Variants in TRPC6 observed in about 807,000 individuals in gnomAD.
TRPC6 encodes the protein transient receptor potential cation channel subfamily C member 6, also known as short transient receptor potential channel 6.
In TRPC6, 55 loss-of-function variants were observed where a neutral mutation model predicts 90.7. That is an observed-to-expected ratio of 0.61 (90% confidence interval 0.49 to 0.76). TRPC6 has a LOEUF of 0.76. Ranked by LOEUF, TRPC6 falls within the 30% of genes least tolerant of loss-of-function variation. TRPC6 has a pLI of 0.00. For synonymous variants in TRPC6, 393 were observed against 393.0 expected, an observed-to-expected ratio of 1.00 and a Z score of 0.00; for missense variants, 989 against 1,122.7, an observed-to-expected ratio of 0.88 and a Z score of 1.70.
At chr11:101,473,238 T>G (rs1859334702) in intron 7 of TRPC6, among the ~76,000 whole-genome samples, 1 of 152,080 alleles carries the variant, frequency 6.6e-6, no homozygotes, top group East Asian at 1.9e-4. Context: ...TTTTGTGAAT[T>G]TCAGTTGCCT....
chr11:101,539,978 GTAAT>G (rs1304890273), intron 1 of TRPC6, among the ~76,000 whole-genome samples: 2 of 152,272 alleles, frequency 1.3e-5, no homozygotes, highest in African/African-American at 2.4e-5. Flanking sequence ...TTTTTATTAT[GTAAT>G]TAATTATAGA....
intron 1 of TRPC6, among the ~76,000 whole-genome samples, chr11:101,520,997 T>G (rs1384313817): frequency 1.3e-5 from 2 of 152,290 alleles, no homozygotes; most frequent in East Asian, 1.9e-4. Context: ...AGCATAAAAC[T>G]TTGGAAAATT....
At chr11:101,456,353 T>G (rs1369062045) in intron 10 of TRPC6, among the ~76,000 whole-genome samples, 2 of 152,184 alleles carry the variant, frequency 1.3e-5, no homozygotes, top group Non-Finnish European at 2.9e-5. Context: ...GCATAAAAAC[T>G]TCCACATAAC....
chr11:101,500,295 G>A (rs539225748), intron 2 of TRPC6, among the ~76,000 whole-genome samples: 9 of 145,688 alleles, frequency 6.2e-5, no homozygotes, highest in South Asian at 4.3e-4. Flanking sequence ...TGCAACCTCC[G>A]CCTCCCAGGT....
At chr11:101,567,671 C>A (rs370631303) in intron 1 of TRPC6, among the ~76,000 whole-genome samples, 1 of 152,194 alleles carries the variant, frequency 6.6e-6, no homozygotes, top group Middle Eastern at 3.2e-3. Context: ...GAGGAAGGAA[C>A]AGGCAGCAAT....
At chr11:101,481,731 T>C (rs1417725707) in intron 5 of TRPC6, among the ~76,000 whole-genome samples, 1 of 152,188 alleles carries the variant, frequency 6.6e-6, no homozygotes, top group Non-Finnish European at 1.5e-5. Flanking sequence ...AGCACTTCCA[T>C]TGAGTCTCAG....
chr11:101,583,231 C>G, intron 1 of TRPC6, 103 bp downstream of exon 1: 1 of 1,479,018 alleles, frequency 6.8e-7, no homozygotes, highest in Non-Finnish European at 9.0e-7. Context: ...GAGGTACACA[C>G]GCGGGTTCAG....
At chr11:101,567,969 G>A (rs552852462) in intron 1 of TRPC6, among the ~76,000 whole-genome samples, 7 of 152,126 alleles carry the variant, frequency 4.6e-5, no homozygotes, top group Non-Finnish European at 8.8e-5. Context: ...CTCCTCCAAA[G>A]GATCACAACT....
intron 9 of TRPC6, 108 bp from the exon 10 acceptor site, chr11:101,469,609 G>A (rs1189460309): frequency 1.6e-6 from 1 of 635,300 alleles, no homozygotes; most frequent in East Asian, 2.8e-5. Context: ...TTTAATGAGA[G>A]AAACATATTC....
intron 1 of TRPC6, among the ~76,000 whole-genome samples, chr11:101,535,557 C>T (rs1861026469): frequency 6.6e-6 from 1 of 152,108 alleles, no homozygotes; most frequent in East Asian, 1.9e-4. Flanking sequence ...ATAGAACATA[C>T]AGAAAACTGG....
chr11:101,466,581 C>A (rs979969941), intron 10 of TRPC6, among the ~76,000 whole-genome samples: 3 of 152,234 alleles, frequency 2.0e-5, no homozygotes, highest in Non-Finnish European at 4.4e-5. Flanking sequence ...CCAGGTTGAT[C>A]TCAGACCACT....
At chr11:101,522,943 C>T (rs1000778231) in intron 1 of TRPC6, among the ~76,000 whole-genome samples, 1 of 152,072 alleles carries the variant, frequency 6.6e-6, no homozygotes, top group Admixed American at 6.6e-5. Flanking sequence ...TAGCCAATAC[C>T]AAGAATGAGA....
At chr11:101,583,123 G>T in intron 1 of TRPC6, 2 of 975,652 alleles carry the variant, frequency 2.0e-6, no homozygotes, top group Non-Finnish European at 2.4e-6. Flanking sequence ...CCTACGAGGA[G>T]CAAACCTAGA....
chr11:101,567,535 G>C (rs191738903), intron 1 of TRPC6, among the ~76,000 whole-genome samples: 1 of 152,192 alleles, frequency 6.6e-6, no homozygotes, highest in Non-Finnish European at 1.5e-5. Context: ...GACTATCTCC[G>C]CAAGTGGTTC....
In TRPC6 at chr11:101,542,024, T is replaced by C. The variant is rs867786856; in HGVS notation, c.171-37226A>G. Among the ~76,000 whole-genome samples, 4 of 152,328 alleles carry C rather than the reference T, an allele frequency of 2.6e-5. No individual in the cohort carries two copies. The South Asian group carries it at 6.2e-4, about 24-fold the overall frequency. Reference sequence around the variant, plus strand: ...AGCAATTGTTAGGTCTAAAATGTAATTGGTAGAATGGCTGGCGCATTCTCT... The same window carrying C: ...AGCAATTGTTAGGTCTAAAATGTAACTGGTAGAATGGCTGGCGCATTCTCT... On this transcript the variant is annotated intron_variant, in intron 1 of 12. Coordinates refer to ENST00000344327, the MANE Select transcript of TRPC6 (RefSeq NM_004621.6).
intron 1 of TRPC6, among the ~76,000 whole-genome samples, chr11:101,548,088 T>C (rs185556798): frequency 9.2e-5 from 14 of 151,840 alleles, no homozygotes; most frequent in Admixed American, 4.0e-4. Flanking sequence ...ATTATTTCAG[T>C]AATGGGGCTA....
chr11:101,583,024 G>T lies in TRPC6; in HGVS notation c.170+310C>A, dbSNP rs1385278133. ...CTCTTGTAGAGCGCAGGATGAAGGGGTCTGGAGAAATCGACCACCCATCTA... is the reference window on the plus strand; with the variant it reads ...CTCTTGTAGAGCGCAGGATGAAGGGTTCTGGAGAAATCGACCACCCATCTA... On this transcript the variant is annotated intron_variant, in intron 1 of 12. Transcript: ENST00000344327. Among the ~76,000 whole-genome samples, 3 of 152,158 alleles carry T rather than the reference G, an allele frequency of 2.0e-5. No individual in the cohort carries two copies. The East Asian group carries it at 5.8e-4, about 29-fold the overall frequency.
At chr11:101,478,544 G>T (rs1859468093) in intron 5 of TRPC6, among the ~76,000 whole-genome samples, 1 of 152,000 alleles carries the variant, frequency 6.6e-6, no homozygotes, top group Non-Finnish European at 1.5e-5. Context: ...TGGCACAAAT[G>T]ATGTCTTCCT....
At chr11:101,548,476 A>ATCTATC (rs1555011221) in intron 1 of TRPC6, among the ~76,000 whole-genome samples, 1 of 112,142 alleles carries the variant, frequency 8.9e-6, no homozygotes, top group Non-Finnish European at 1.8e-5. Context: ...ATATATATAT[A>ATCTATC]TCTCTCTCTC....
Sources: allele counts gnomAD v4.1 joint callset (sites outside exome capture counted in the v4.1 genomes callset), GRCh38; gene constraint gnomAD v4.1.1; transcripts MANE v1.5; gene names NCBI Gene and HGNC (gene_info 2026-07-23, HGNC 2026-07-21).